Variants in GRIN2A observed in about 807,000 individuals in gnomAD.
GRIN2A encodes glutamate ionotropic receptor NMDA type subunit 2A, also known as glutamate receptor ionotropic, NMDA 2A.
In GRIN2A, 22 loss-of-function variants were observed where a neutral mutation model predicts 113.4. The observed-to-expected ratio is 0.19, with a 90% CI of 0.14 to 0.28. The LOEUF is 0.28. Ranked by LOEUF, GRIN2A falls within the 10% of genes least tolerant of loss-of-function variation. The pLI is 1.00. For synonymous variants in GRIN2A, 827 were observed against 738.4 expected, an observed-to-expected ratio of 1.12 and a Z score of -1.94; for missense variants, 1,502 against 1,887.0, an observed-to-expected ratio of 0.80 and a Z score of 3.78.
intron 11 of GRIN2A, among the ~76,000 whole-genome samples, chr16:9,787,010 T>C (rs1023864588): frequency 1.3e-5 from 2 of 152,216 alleles, no homozygotes; most frequent in East Asian, 3.8e-4. Flanking sequence ...TTTCCAACTT[T>C]GGCAGAACAT....
intron 4 of GRIN2A, among the ~76,000 whole-genome samples, chr16:9,890,148 G>A (rs1023533216): frequency 6.6e-6 from 1 of 152,150 alleles, no homozygotes; most frequent in African/African-American, 2.4e-5. Context: ...TAAATTTCAA[G>A]ATGCTAAAGT....
chr16:9,944,765 T>A (rs1418229270), intron 2 of GRIN2A, among the ~76,000 whole-genome samples: 1 of 152,094 alleles, frequency 6.6e-6, no homozygotes, highest in Non-Finnish European at 1.5e-5. Context: ...GCATCCCCCC[T>A]AGAGTGCAAG....
At chr16:9,878,896 C>G (rs7184289) in intron 4 of GRIN2A, among the ~76,000 whole-genome samples, 34,479 of 151,948 alleles carry the variant, frequency 0.23, 4,076 homozygotes, top group African/African-American at 0.25. Flanking sequence ...CAGTTGCACA[C>G]ACACATGCTT....
intron 2 of GRIN2A, among the ~76,000 whole-genome samples, chr16:10,172,517 A>G (rs920985687): frequency 6.6e-6 from 1 of 152,170 alleles, no homozygotes; most frequent in Non-Finnish European, 1.5e-5. Context: ...TGTAACATAA[A>G]TGAGTGAAGT....
chr16:10,006,419 C>T (rs2046405523), intron 2 of GRIN2A, among the ~76,000 whole-genome samples: 1 of 152,298 alleles, frequency 6.6e-6, no homozygotes, highest in Admixed American at 6.5e-5. Flanking sequence ...GAGGATCTAT[C>T]ACTCCTAAAG....
chr16:9,967,627 AC>A (rs1420060000), intron 2 of GRIN2A, among the ~76,000 whole-genome samples: 4 of 152,070 alleles, frequency 2.6e-5, no homozygotes, highest in Non-Finnish European at 5.9e-5. Context: ...AATCGCTTGA[AC>A]CTGGAAGGTG....
intron 11 of GRIN2A, among the ~76,000 whole-genome samples, chr16:9,789,313 C>T (rs1295582592): frequency 6.6e-6 from 1 of 152,134 alleles, no homozygotes; most frequent in Non-Finnish European, 1.5e-5. Context: ...GACTAAAGAA[C>T]AGATTTCAGC....
At chr16:9,810,163 A>G (rs993183544) in intron 10 of GRIN2A, among the ~76,000 whole-genome samples, 2 of 152,176 alleles carry the variant, frequency 1.3e-5, no homozygotes, top group East Asian at 1.9e-4. Context: ...GGCCAGCACA[A>G]TTACCACCTG....
At chr16:9,848,386 T>C (rs996843841) in intron 5 of GRIN2A, among the ~76,000 whole-genome samples, 2 of 150,670 alleles carry the variant, frequency 1.3e-5, no homozygotes, top group Non-Finnish European at 3.0e-5. Context: ...TGGCTAATTT[T>C]TGTACTTTTA....
At chr16:10,149,332 A>C (rs1283100913) in intron 2 of GRIN2A, among the ~76,000 whole-genome samples, 1 of 152,214 alleles carries the variant, frequency 6.6e-6, no homozygotes, top group Non-Finnish European at 1.5e-5. Context: ...TATCCCATAT[A>C]CCTAACAAAT....
intron 2 of GRIN2A, among the ~76,000 whole-genome samples, chr16:9,976,365 C>G (rs1193594008): frequency 6.6e-6 from 1 of 152,188 alleles, no homozygotes; most frequent in Non-Finnish European, 1.5e-5. Flanking sequence ...ACCTAACTCT[C>G]TCACATGTCC....
At position 9,763,506 on chromosome 16, in the gene GRIN2A, T is replaced by C. The variant is rs765156643; in HGVS notation, c.4038A>G (p.Gln1346=). ...TGCTCCTCTTGCTGTCCTCCAGACCTTGGGGGAAAAGGGAGCTTTTTTTCC... is the reference window on the plus strand; with the variant it reads ...TGCTCCTCTTGCTGTCCTCCAGACCCTGGGGGAAAAGGGAGCTTTTTTTCC... ...LSGKKSSLFP[Q]GLEDSKRSKS... The change falls in exon 13 of 13, where the codon CAA becomes CAG. Residue 1346 remains glutamine (Q), a synonymous_variant. Coordinates refer to ENST00000330684, the MANE Select transcript of GRIN2A (RefSeq NM_001134407.3). 6 of 1,613,984 alleles carry C rather than the reference T, an allele frequency of 3.7e-6. No homozygotes were observed. Among genetic ancestry groups the C allele is most frequent in the South Asian group, 3.3e-5 (3 of 91,076 alleles).
At chr16:9,792,644 A>G (rs1473571188) in intron 11 of GRIN2A, among the ~76,000 whole-genome samples, 11 of 151,816 alleles carry the variant, frequency 7.2e-5, no homozygotes, top group Admixed American at 7.2e-4. Flanking sequence ...AATTTTTAAC[A>G]TACATGATAA....
At chr16:10,033,703 GA>G (rs2046970821) in intron 2 of GRIN2A, 1 of 152,346 alleles carries the variant, frequency 6.6e-6, no homozygotes. Flanking sequence ...TGCAGTCCGG[GA>G]GGGGAGCCAG....
rs752560113 is a variant in GRIN2A at position 9,764,337 on chromosome 16, C to G, written c.3207G>C (p.Thr1069=). The G allele has an allele frequency of 5.6e-6, 9 of 1,614,000 alleles. No homozygotes were observed. The highest frequency in any genetic ancestry group is 7.6e-6 in the Non-Finnish European group (9 of 1,180,016). ...TACTGTTGTCAGGTTCCCTGTGGCA[C>G]GTGGCCCGATTTGACGTTTCTGAAA... ...SDISETSNRA[T]CHREPDNSKN... is the part of the protein sequence containing the mutation. The change falls in exon 13 of 13, where the codon ACG becomes ACC. Residue 1069 remains threonine, a synonymous_variant. Transcript: ENST00000330684.
intron 11 of GRIN2A, among the ~76,000 whole-genome samples, chr16:9,773,680 G>A (rs1005645735): frequency 2.0e-5 from 3 of 152,158 alleles, no homozygotes; most frequent in Non-Finnish European, 2.9e-5. Flanking sequence ...ACCTCCTCCA[G>A]TGACAGTAAG....
intron 2 of GRIN2A, among the ~76,000 whole-genome samples, chr16:10,024,096 C>G (rs1199836401): frequency 6.6e-6 from 1 of 152,200 alleles, no homozygotes; most frequent in Non-Finnish European, 1.5e-5. Context: ...GCATTCACCT[C>G]TCCCTAGGAC....
intron 3 of GRIN2A, among the ~76,000 whole-genome samples, chr16:9,919,597 TTGTC>T (rs1438222034): frequency 6.6e-6 from 1 of 152,118 alleles, no homozygotes; most frequent in Non-Finnish European, 1.5e-5. Context: ...AGGAGATGAA[TTGTC>T]ACAGGGAAAA....
intron 3 of GRIN2A, among the ~76,000 whole-genome samples, chr16:9,918,195 C>T (rs2044288842): frequency 6.6e-6 from 1 of 152,126 alleles, no homozygotes; most frequent in Admixed American, 6.5e-5. Context: ...AGTCTCACAG[C>T]TAATAAGTGG....
Sources: gnomAD v4.1 joint callset for allele counts (sites outside exome capture counted in the v4.1 genomes callset) on GRCh38, gnomAD v4.1.1 for gene constraint, MANE v1.5 for transcripts, NCBI Gene and HGNC (gene_info 2026-07-23, HGNC 2026-07-21) for gene names.